Variants in GPHN observed in about 807,000 individuals in gnomAD.
The protein encoded by GPHN is gephyrin.
In GPHN, 17 loss-of-function variants were observed where a neutral mutation model predicts 95.5. The ratio of observed to expected loss-of-function variants is 0.18; its 90% CI spans 0.12 to 0.27. The LOEUF (loss-of-function observed/expected upper bound fraction) is 0.27, where lower values mean the gene tolerates loss of function less well. Among genes scored for constraint, GPHN ranks in the 10% least tolerant of loss-of-function variants. The pLI, the probability that GPHN is intolerant of heterozygous loss-of-function variation, is 1.00. For synonymous variants in GPHN, 320 were observed against 322.5 expected, an observed-to-expected ratio of 0.99 and a Z score of 0.08; for missense variants, 660 against 978.1, an observed-to-expected ratio of 0.67 and a Z score of 4.34.
the GPHN span, among the ~76,000 whole-genome samples, chr14:67,517,250 C>T: frequency 1.3e-5 from 2 of 152,192 alleles, no homozygotes; most frequent in African/African-American, 4.8e-5. Context: ...TAATCTCCTT[C>T]TCTAGCTGTG....
chr14:67,518,694 T>A, the GPHN span, among the ~76,000 whole-genome samples: 1 of 152,250 alleles, frequency 6.6e-6, no homozygotes. Flanking sequence ...GGGTTTGCTC[T>A]TGTCCCCCAT....
chr14:67,625,655 G>C, the GPHN span, among the ~76,000 whole-genome samples: 3 of 141,726 alleles, frequency 2.1e-5, no homozygotes, highest in Admixed American at 1.4e-4. Flanking sequence ...AGTCCAGCCT[G>C]GGCAACGAGA....
At chr14:66,933,723 G>A (rs1319985103) in intron 8 of GPHN, among the ~76,000 whole-genome samples, 1 of 152,124 alleles carries the variant, frequency 6.6e-6, no homozygotes, top group Non-Finnish European at 1.5e-5. Flanking sequence ...CATATATGAG[G>A]AAATTTTTAT....
chr14:67,380,902 G>A, the GPHN span: 2 of 455,868 alleles, frequency 4.4e-6, no homozygotes, highest in African/African-American at 2.0e-5. Flanking sequence ...TATAACAAAA[G>A]CTTAAGAAAT....
chr14:67,731,335 C>G, the GPHN span, among the ~76,000 whole-genome samples: 2 of 151,268 alleles, frequency 1.3e-5, no homozygotes, highest in Non-Finnish European at 2.9e-5. Context: ...CTGCCTCAGC[C>G]TCCCGAGTAG....
chr14:66,517,694 G>A (rs1360146656), intron 1 of GPHN, among the ~76,000 whole-genome samples: 3 of 152,122 alleles, frequency 2.0e-5, no homozygotes, highest in Non-Finnish European at 4.4e-5. Context: ...GCTGATGAAA[G>A]GACAGTATCT....
chr14:66,801,013 A>G (rs2060329684), intron 3 of GPHN, among the ~76,000 whole-genome samples: 1 of 152,046 alleles, frequency 6.6e-6, no homozygotes, highest in Middle Eastern at 3.2e-3. Context: ...TTATATTTTT[A>G]AGCTTTAGAA....
At chr14:67,481,517 T>C in the GPHN span, among the ~76,000 whole-genome samples, 1 of 151,932 alleles carries the variant, frequency 6.6e-6, no homozygotes, top group East Asian at 1.9e-4. Flanking sequence ...GAAGATGGGG[T>C]TGAAGAGAAA....
the GPHN span, among the ~76,000 whole-genome samples, chr14:67,407,935 TG>T: frequency 1.3e-5 from 2 of 152,124 alleles, no homozygotes; most frequent in Non-Finnish European, 2.9e-5. Flanking sequence ...ATCACACCTG[TG>T]AACAGTCCCT....
the GPHN span, chr14:67,360,449 T>C: frequency 2.6e-6 from 1 of 378,772 alleles, no homozygotes; most frequent in Non-Finnish European, 4.7e-6. Context: ...ATCACACACA[T>C]ACCTCAGGTG....
At chr14:67,374,413 C>A in the GPHN span, 2 of 1,134,864 alleles carry the variant, frequency 1.8e-6, no homozygotes, top group Non-Finnish European at 2.5e-6. Context: ...AAGCTGGTTA[C>A]AATAGTACAG....
intron 10 of GPHN, among the ~76,000 whole-genome samples, chr14:67,034,489 C>T (rs1276723591): frequency 6.6e-6 from 1 of 151,820 alleles, no homozygotes; most frequent in African/African-American, 2.4e-5. Context: ...AGTAAAAAGA[C>T]AAAGTGAATT....
intron 10 of GPHN, among the ~76,000 whole-genome samples, chr14:67,043,793 G>A (rs2074844361): frequency 6.6e-6 from 1 of 152,124 alleles, no homozygotes; most frequent in African/African-American, 2.4e-5. Context: ...AGTTTCAGAA[G>A]GAATGGTACC....
chr14:67,731,951 C>A, the GPHN span, among the ~76,000 whole-genome samples: 2 of 151,418 alleles, frequency 1.3e-5, no homozygotes, highest in South Asian at 2.1e-4. Flanking sequence ...CGTGGTGTAA[C>A]CCCATCTCTA....
At chr14:66,831,990 C>CA (rs1433650907) in intron 4 of GPHN, among the ~76,000 whole-genome samples, 2 of 151,788 alleles carry the variant, frequency 1.3e-5, no homozygotes, top group African/African-American at 2.4e-5. Flanking sequence ...TACTAAAATA[C>CA]AAAAAAATTA....
the GPHN span, among the ~76,000 whole-genome samples, chr14:67,537,379 T>TAATAATAAA: frequency 1.4e-5 from 2 of 141,596 alleles, no homozygotes; most frequent in African/African-American, 2.7e-5. Context: ...ATAATAATAA[T>TAATAATAAA]AAAAACTTAA....
chr14:66,773,542 C>T (rs942092792), intron 2 of GPHN, among the ~76,000 whole-genome samples: 2 of 151,816 alleles, frequency 1.3e-5, no homozygotes, highest in South Asian at 2.1e-4. Context: ...TTAGTAGAGA[C>T]GGGGTTTCAC....
the GPHN span, among the ~76,000 whole-genome samples, chr14:67,498,679 T>C: frequency 6.6e-6 from 1 of 152,214 alleles, no homozygotes; most frequent in African/African-American, 2.4e-5. Flanking sequence ...TTGGTTTTCC[T>C]TTTTAAGACA....
chr14:67,020,794 A>G (rs763318125), intron 9 of GPHN, among the ~76,000 whole-genome samples: 10 of 152,190 alleles, frequency 6.6e-5, no homozygotes, highest in Non-Finnish European at 1.5e-4. Context: ...AACATGATCC[A>G]GTAGAATAAA....
Sources: gnomAD v4.1 joint callset for allele counts (sites outside exome capture counted in the v4.1 genomes callset) on GRCh38, gnomAD v4.1.1 for gene constraint, MANE v1.5 for transcripts, NCBI Gene and HGNC (gene_info 2026-07-23, HGNC 2026-07-21) for gene names.